Variants in AK9 observed in about 807,000 individuals in gnomAD.
AK9 encodes adenylate kinase domain containing 1.
Under a neutral mutation model 239.6 loss-of-function variants are expected in AK9, and 191 were observed. The observed-to-expected ratio is 0.80, with a 90% confidence interval of 0.71 to 0.90. The LOEUF is 0.90. AK9 is among the 40% of genes least tolerant of loss of function. The pLI is 0.00. For missense variants in AK9, 1,995 were observed against 2,214.7 expected, an observed-to-expected ratio of 0.90 and a Z score of 1.99; for synonymous variants, 689 against 721.0, an observed-to-expected ratio of 0.96 and a Z score of 0.71.
intron 32 of AK9, among the ~76,000 whole-genome samples, chr6:109,511,055 T>C (rs941013093): frequency 1.4e-5 from 2 of 142,108 alleles, no homozygotes; most frequent in Non-Finnish European, 3.0e-5. Context: ...GAACCAAATC[T>C]GCTTGTTTTT....
chr6:109,643,611 T>C (rs1373877297), intron 9 of AK9, among the ~76,000 whole-genome samples: 1 of 152,220 alleles, frequency 6.6e-6, no homozygotes, highest in Non-Finnish European at 1.5e-5. Flanking sequence ...ATCTGTACTT[T>C]CTGGCTTAAA....
chr6:109,603,704 C>G (rs974980555), intron 17 of AK9, among the ~76,000 whole-genome samples: 4 of 152,202 alleles, frequency 2.6e-5, no homozygotes, highest in Non-Finnish European at 5.9e-5. Flanking sequence ...CCTCCTTGAG[C>G]TGTGGTGGGA....
intron 5 of AK9, 74 bp from the exon 6 acceptor site, chr6:109,662,737 A>G (rs1377588985): frequency 6.3e-6 from 4 of 639,006 alleles, no homozygotes; most frequent in Non-Finnish European, 8.6e-6. Context: ...ATTATATTAT[A>G]TATATATTTA....
intron 10 of AK9, among the ~76,000 whole-genome samples, chr6:109,638,533 G>A (rs768982669): frequency 1.3e-5 from 2 of 152,162 alleles, no homozygotes; most frequent in Non-Finnish European, 2.9e-5. Flanking sequence ...AGGCTGGAGT[G>A]CAAGTGGCAC....
chr6:109,510,516 C>G (rs1393588204), intron 32 of AK9, among the ~76,000 whole-genome samples: 4 of 152,066 alleles, frequency 2.6e-5, no homozygotes, highest in African/African-American at 9.7e-5. Context: ...CTCTCCAGGG[C>G]CTCCTCTCTG....
At position 109,674,220 on chromosome 6, in the gene AK9, T is replaced by A; in HGVS notation, c.159A>T (p.Ala53=). 6.3e-7 allele frequency: 1 copy of A among 1,589,044 alleles called. No individual in the cohort carries two copies. The part of the protein sequence containing the change: ...KTTLARYITQ[A]WKCIRVEALP... ...TACCTTCAACACGAATACATTTCCA[T>A]GCCTGTGTTATGTAACGGGCTAATG... The change falls in exon 3 of 41, where the codon GCA becomes GCT. Residue 53 remains alanine, a synonymous_variant. Coordinates refer to ENST00000424296, the MANE Select transcript of AK9 (RefSeq NM_001145128.3).
In AK9 at chr6:109,675,630, G is replaced by T; in HGVS notation, c.116C>A (p.Pro39Gln). The change falls in exon 2 of 41, where the codon CCA (proline) becomes CAA (glutamine). Residue 39 changes from proline to glutamine, a missense_variant and splice_region_variant. By Grantham distance (76) the Pro-to-Gln change is moderately conservative. Coordinates refer to ENST00000424296, the MANE Select transcript of AK9 (RefSeq NM_001145128.3). ...KPVCFVVFGK[P>Q]GVGKTTLARY... ...ACCAAATAATAAGAGATAACTTACTGGTTTCCCAAATACAACAAAGCAAAC... is the reference window on the plus strand; with the variant it reads ...ACCAAATAATAAGAGATAACTTACTTGTTTCCCAAATACAACAAAGCAAAC... The T allele has an allele frequency of 6.7e-7, 1 of 1,492,066 alleles. No individual in the cohort carries two copies. The highest frequency in any genetic ancestry group is 9.0e-7 in the Non-Finnish European group (1 of 1,112,578). The allele number at this position is 1,492,066 out of a possible 1,614,324, so 92.4% of individuals were successfully genotyped here.
chr6:109,612,847 A>C (rs957993538), intron 15 of AK9, among the ~76,000 whole-genome samples: 2 of 151,364 alleles, frequency 1.3e-5, no homozygotes, highest in Non-Finnish European at 2.9e-5. Flanking sequence ...GAATAAAAAA[A>C]CCAAAATGTA....
At chr6:109,644,126 C>T (rs1797759975) in intron 9 of AK9, among the ~76,000 whole-genome samples, 1 of 152,136 alleles carries the variant, frequency 6.6e-6, no homozygotes, top group Non-Finnish European at 1.5e-5. Flanking sequence ...CATTATAATG[C>T]CAGACACTTA....
At chr6:109,637,362 T>C (rs952436529) in intron 10 of AK9, among the ~76,000 whole-genome samples, 1 of 152,080 alleles carries the variant, frequency 6.6e-6, no homozygotes. Context: ...CTCTATTGAT[T>C]GATGTGTTTT....
intron 13 of AK9, among the ~76,000 whole-genome samples, 196 bp from the exon 14 acceptor site, chr6:109,614,676 A>G (rs978145294): frequency 1.6e-4 from 25 of 152,150 alleles, no homozygotes; most frequent in Non-Finnish European, 5.9e-5. Flanking sequence ...GGATCTTTAA[A>G]CTGAAAGCAC....
chr6:109,666,767 C>A (rs181939772), intron 5 of AK9, among the ~76,000 whole-genome samples: 3 of 152,200 alleles, frequency 2.0e-5, no homozygotes. Flanking sequence ...GTTCAGCCAT[C>A]CCTGCTACCC....
intron 32 of AK9, among the ~76,000 whole-genome samples, chr6:109,509,859 C>A (rs1343444336): frequency 6.6e-6 from 1 of 152,050 alleles, no homozygotes; most frequent in Non-Finnish European, 1.5e-5. Context: ...GGGGTTTTCC[C>A]AGGTGCAGGA....
intron 10 of AK9, among the ~76,000 whole-genome samples, 165 bp downstream of exon 10, chr6:109,641,353 T>C (rs111247870): frequency 0.045 from 3,418 of 75,502 alleles, 57 homozygotes; most frequent in South Asian, 0.097. Flanking sequence ...TTCTTTCTTT[T>C]TTTTTTTTTT....
chr6:109,537,277 T>G (rs1782147284), intron 27 of AK9, among the ~76,000 whole-genome samples: 1 of 152,248 alleles, frequency 6.6e-6, no homozygotes, highest in Non-Finnish European at 1.5e-5. Context: ...TGCCTCAATT[T>G]CAGAGCCTGT....
rs1562339705 is a variant in AK9, at chr6:109,516,588, C to A, written c.3688G>T (p.Asp1230Tyr). The change falls in exon 30 of 41, where the codon GAT (aspartate) becomes TAT (tyrosine). Residue 1230 changes from aspartate to tyrosine, a missense_variant. Asp to Tyr is a radical substitution (Grantham distance 160). This residue lies in a region of AK9 where 1,290 missense variants were observed against 1,392.7 expected (regional missense o/e 0.93). Transcript: ENST00000424296. ...ISEEELEEDN[D>Y]DIENILEDEF... ...TCTTCAAGGATGTTTTCAATATCAT[C>A]ATTGTCTTCTTCAAGTTCTTCCTCA... 1 of 1,550,918 alleles carries A rather than the reference C, an allele frequency of 6.4e-7. No homozygotes were observed. The highest frequency in any genetic ancestry group is 1.2e-5 in the South Asian group (1 of 84,052).
intron 27 of AK9, among the ~76,000 whole-genome samples, chr6:109,540,804 T>C (rs1165533606): frequency 1.3e-5 from 2 of 152,228 alleles, no homozygotes; most frequent in Non-Finnish European, 2.9e-5. Context: ...CCTGCTGTCA[T>C]TTCTTTGTCA....
At chr6:109,622,955 C>T (rs1164364625) in intron 12 of AK9, among the ~76,000 whole-genome samples, 1 of 152,072 alleles carries the variant, frequency 6.6e-6, no homozygotes, top group Admixed American at 6.6e-5. Flanking sequence ...ATCCTAGGTA[C>T]ACATCGAAAT....
chr6:109,542,137 A>ACTT lies in AK9; in HGVS notation c.3257_3259dup (p.Glu1086dup). The ACTT allele has an allele frequency of 6.2e-7, 1 of 1,603,238 alleles. No homozygotes were observed. Among genetic ancestry groups the ACTT allele is most frequent in the East Asian group, 2.2e-5 (1 of 44,758 alleles). On this transcript the variant is annotated inframe_insertion, in exon 27 of 41. Transcript: ENST00000424296. ...ATTTTCCATTAGACTTGATTTGATTACTTCTTCTTCTTCTGTAAGTTGTAC... is the reference window on the plus strand; with the variant it reads ...ATTTTCCATTAGACTTGATTTGATTACTTCTTCTTCTTCTTCTGTAAGTTGTAC...
Sources: allele counts gnomAD v4.1 joint callset (sites outside exome capture counted in the v4.1 genomes callset), GRCh38; gene constraint gnomAD v4.1.1; regional missense constraint gnomAD v4.1.1; transcripts MANE v1.5; gene names NCBI Gene and HGNC (gene_info 2026-07-23, HGNC 2026-07-21).